ULK4: variants seen among roughly 807,000 people sequenced by gnomAD.
ULK4 encodes the protein unc-51 like kinase 4, also known as inactive serine/threonine-protein kinase ULK4.
In ULK4, 133 loss-of-function variants were observed where a neutral mutation model predicts 160.6. That is an observed-to-expected ratio of 0.83 (90% confidence interval 0.72 to 0.96). The LOEUF is 0.96. Ranked by LOEUF, ULK4 falls within the 40% of genes least tolerant of loss-of-function variation. The pLI is 0.00. For missense variants in ULK4, 1,580 were observed against 1,499.5 expected (o/e 1.05, Z -0.89); for synonymous variants, 534 against 539.8 (o/e 0.99, Z 0.15).
At chr3:41,907,182 G>T (rs559530883) in intron 12 of ULK4, among the ~76,000 whole-genome samples, 1 of 152,168 alleles carries the variant, frequency 6.6e-6, no homozygotes, top group Non-Finnish European at 1.5e-5. Context: ...ATGGGGTGGC[G>T]GGGGCAGTGA....
chr3:41,937,427 T>C (rs1699812098), intron 3 of ULK4: 3 of 636,710 alleles, frequency 4.7e-6, no homozygotes, highest in Non-Finnish European at 8.4e-6. Context: ...CAATATAAGT[T>C]AGATGCATAA....
intron 22 of ULK4, among the ~76,000 whole-genome samples, chr3:41,744,428 A>T (rs2038350075): frequency 6.6e-6 from 1 of 152,026 alleles, no homozygotes; most frequent in Non-Finnish European, 1.5e-5. Context: ...AATGAAGTAA[A>T]CTTCAGAGAA....
chr3:41,249,878 G>A (rs1242276591), intron 35 of ULK4, among the ~76,000 whole-genome samples: 1 of 152,186 alleles, frequency 6.6e-6, no homozygotes, highest in African/African-American at 2.4e-5. Context: ...GTTTGTGTCT[G>A]GGAACCTGAA....
chr3:41,466,089 A>G (rs2083826701), intron 32 of ULK4, among the ~76,000 whole-genome samples: 1 of 152,170 alleles, frequency 6.6e-6, no homozygotes, highest in African/African-American at 2.4e-5. Flanking sequence ...TGTATGCTCA[A>G]TATGTCCTAT....
At chr3:41,266,420 G>A (rs2079034814) in intron 35 of ULK4, among the ~76,000 whole-genome samples, 2 of 152,170 alleles carry the variant, frequency 1.3e-5, no homozygotes, top group African/African-American at 4.8e-5. Context: ...AGCAGAGAAG[G>A]ATGCATAAAG....
intron 31 of ULK4, among the ~76,000 whole-genome samples, chr3:41,594,036 CTG>C (rs1461330744): frequency 6.6e-6 from 1 of 151,500 alleles, no homozygotes; most frequent in African/African-American, 2.4e-5. Flanking sequence ...CAGAGCCAGA[CTG>C]TGTCGAAAGA....
At chr3:41,707,126 T>C (rs2036930397) in intron 25 of ULK4, among the ~76,000 whole-genome samples, 1 of 152,158 alleles carries the variant, frequency 6.6e-6, no homozygotes, top group Non-Finnish European at 1.5e-5. Flanking sequence ...TTAACACATA[T>C]ACATGTGTCC....
intron 17 of ULK4, among the ~76,000 whole-genome samples, chr3:41,882,680 C>G (rs1697566359): frequency 6.6e-6 from 1 of 152,198 alleles, no homozygotes; most frequent in African/African-American, 2.4e-5. Flanking sequence ...TTCAGAGGCT[C>G]CTTCTTCACA....
At chr3:41,283,450 T>C (rs974622645) in intron 35 of ULK4, among the ~76,000 whole-genome samples, 3 of 152,180 alleles carry the variant, frequency 2.0e-5, no homozygotes, top group Admixed American at 6.5e-5. Flanking sequence ...ATATACACCA[T>C]GGAATACTAT....
intron 31 of ULK4, among the ~76,000 whole-genome samples, chr3:41,608,896 G>A (rs2032517271): frequency 6.6e-6 from 1 of 152,142 alleles, no homozygotes; most frequent in Non-Finnish European, 1.5e-5. Context: ...TCTAATCTTG[G>A]GAAGTACACT....
At chr3:41,705,734 G>A (rs544625659) in intron 25 of ULK4, among the ~76,000 whole-genome samples, 40 of 152,118 alleles carry the variant, frequency 2.6e-4, no homozygotes, top group African/African-American at 9.2e-4. Flanking sequence ...ACCTCAGGTG[G>A]TCCACCTGCC....
intron 33 of ULK4, among the ~76,000 whole-genome samples, chr3:41,457,831 T>C (rs569655476): frequency 1.3e-5 from 2 of 152,282 alleles, no homozygotes; most frequent in East Asian, 1.9e-4. Flanking sequence ...CCTTTTGTCA[T>C]TGCTGTGTGT....
At chr3:41,333,898 G>A (rs762138157) in intron 35 of ULK4, among the ~76,000 whole-genome samples, 2 of 152,074 alleles carry the variant, frequency 1.3e-5, no homozygotes, top group East Asian at 3.9e-4. Context: ...GATTGGTATT[G>A]GGGATCTACT....
chr3:41,448,589 A>G (rs770400044), intron 34 of ULK4, among the ~76,000 whole-genome samples: 2 of 152,214 alleles, frequency 1.3e-5, no homozygotes, highest in Non-Finnish European at 2.9e-5. Flanking sequence ...TGGAGAAGAC[A>G]GTAGAGGGAG....
Position 41,366,573 on chromosome 3 carries a change from A to ACACACACACACACACACT in ULK4, c.3678+31505_3678+31506insAGTGTGTGTGTGTGTGTG, listed in dbSNP as rs4016417. On this transcript the variant is annotated intron_variant, in intron 35 of 36. Coordinates refer to ENST00000301831, the MANE Select transcript of ULK4 (RefSeq NM_017886.4). ...TACACACACACACACACACACACAC[A>ACACACACACACACACACT]CTTTATCTATATACCTATTATGTAT... is the stretch of plus-strand genomic sequence containing the variant. Among the ~76,000 whole-genome samples, 845 of 151,530 alleles carry ACACACACACACACACACT rather than the reference A, an allele frequency of 5.6e-3. 4 individuals are homozygous for ACACACACACACACACACT. The highest frequency in any genetic ancestry group is 0.02 in the African/African-American group (810 of 41,220).
intron 32 of ULK4, among the ~76,000 whole-genome samples, chr3:41,563,453 T>C (rs573795010): frequency 6.6e-6 from 1 of 152,302 alleles, no homozygotes; most frequent in East Asian, 1.9e-4. Context: ...TGAAGAGTGT[T>C]TTCCACCTTG....
Position 41,782,069 on chromosome 3 carries a change from C to A in ULK4, c.2193+7592G>T, listed in dbSNP as rs151280541. Among the ~76,000 whole-genome samples the A allele has an allele frequency of 2.0e-5, 3 of 152,202 alleles. No individual in the cohort carries two copies. The East Asian group carries it at 5.8e-4, about 29-fold the overall frequency. On this transcript the variant is annotated intron_variant, in intron 21 of 36. Transcript: ENST00000301831. ...TTTGAAACTTTTTATTGAACACATG[C>A]ACACATCCCTTGATAACTGGGGCTG...
intron 5 of ULK4, among the ~76,000 whole-genome samples, chr3:41,924,189 C>T (rs1036242798): frequency 6.6e-6 from 1 of 152,184 alleles, no homozygotes; most frequent in African/African-American, 2.4e-5. Context: ...TCAACCCCAC[C>T]CCAGTACCCA....
At chr3:41,734,091 T>TG (rs1247812848) in intron 22 of ULK4, among the ~76,000 whole-genome samples, 17 of 151,688 alleles carry the variant, frequency 1.1e-4, no homozygotes, top group Admixed American at 6.6e-5. Context: ...ATTACTGGGG[T>TG]GGGGGGAGCT....
Sources: allele counts gnomAD v4.1 joint callset (sites outside exome capture counted in the v4.1 genomes callset), GRCh38; gene constraint gnomAD v4.1.1; transcripts MANE v1.5; gene names NCBI Gene and HGNC (gene_info 2026-07-23, HGNC 2026-07-21).